The following PKN3 variants were observed in gnomAD, a reference collection of about 807,000 sequenced individuals.
The protein encoded by PKN3 is serine/threonine-protein kinase N3.
Under a neutral mutation model 113.1 loss-of-function variants are expected in PKN3, and 91 were observed. The ratio of observed to expected loss-of-function variants is 0.80; its 90% CI spans 0.68 to 0.96. PKN3 has a LOEUF of 0.96. Ranked by LOEUF, PKN3 falls within the 40% of genes least tolerant of loss-of-function variation. The probability of loss-of-function intolerance (pLI) is 0.00; values close to 1 mark genes in which losing one functional copy is unlikely to be tolerated. For synonymous variants in PKN3, 467 were observed against 499.0 expected (o/e 0.94, Z 0.85); for missense variants, 1,052 against 1,202.2 (o/e 0.88, Z 1.85).
At position 128,720,448 on chromosome 9, in the gene PKN3, A is replaced by C; in HGVS notation, c.2512A>C (p.Thr838Pro). Reference protein sequence around the residue: ...ARTIQPPFVPTLCGPADLRYF... With the variant: ...ARTIQPPFVPPLCGPADLRYF... ...CACCATCCAGCCCCCCTTCGTGCCTACCCTGTGTGGCCCTGCGGACCTGCG... is the reference window on the plus strand; with the variant it reads ...CACCATCCAGCCCCCCTTCGTGCCTCCCCTGTGTGGCCCTGCGGACCTGCG... The change falls in exon 22 of 22, where the codon ACC (threonine) becomes CCC (proline). Residue 838 changes from threonine (T) to proline (P), a missense_variant. By Grantham distance (38) the Thr-to-Pro change is conservative (BLOSUM62 -1). Transcript: ENST00000291906. This position sits in a 1 kb window ranked among gnomAD's most constrained non-coding sequence, Gnocchi z 5.5. 1 of 1,612,948 alleles carries C rather than the reference A, an allele frequency of 6.2e-7. No homozygotes were observed. The highest frequency in any genetic ancestry group is 2.2e-5 in the East Asian group (1 of 44,858).
chr9:128,714,865 G>A lies in PKN3; in HGVS notation c.1652G>A (p.Arg551Lys). The change falls in exon 13 of 22, where the codon AGG (arginine) becomes AAG (lysine). Residue 551 changes from arginine (R) to lysine (K), a missense_variant and splice_region_variant. Physicochemically the swap from Arg to Lys is conservative, Grantham distance 26. Coordinates refer to ENST00000291906, the MANE Select transcript of PKN3 (RefSeq NM_013355.5). ...RGPSPPASPTRKPPRLQDFRC... is the reference protein window; with the variant it reads ...RGPSPPASPTKKPPRLQDFRC... The stretch of plus-strand genomic sequence containing the variant: ...CCATCTCCACCAGCCTCCCCCACCA[G>A]GTACCCCATCCTGCGCACCTTCATG... 6.2e-7 allele frequency: 1 copy of A among 1,613,668 alleles called. No homozygotes were observed. The highest frequency in any genetic ancestry group is 8.5e-7 in the Non-Finnish European group (1 of 1,179,688).
rs376529565 is a variant in PKN3 at position 128,720,249 on chromosome 9, A to C, written c.2423A>C (p.Asp808Ala). ...AAGCGCCTCGGGGCAGGTGAGCAGG[A>C]TGCCGAGGAGATCAAGGTCCAGCCA... The part of the protein sequence containing the change: ...PEKRLGAGEQ[D>A]AEEIKVQPFF... Residue 808 changes from aspartate (D) to alanine (A), a missense_variant, in exon 21 of 22, where the codon GAT becomes GCT. Asp to Ala is a moderately radical substitution (Grantham distance 126). Around this residue, in one of 2 missense-constraint regions of PKN3, gnomAD observed 333 missense variants for 442.8 expected, o/e 0.75. Coordinates refer to ENST00000291906, the MANE Select transcript of PKN3 (RefSeq NM_013355.5). This position sits in a 1 kb window ranked among gnomAD's most constrained non-coding sequence, Gnocchi z 5.5. 10 of 1,613,816 alleles carry C rather than the reference A, an allele frequency of 6.2e-6. No individual in the cohort carries two copies. Among genetic ancestry groups the C allele is most frequent in the Non-Finnish European group, 8.5e-6 (10 of 1,180,012 alleles).
In PKN3 at chr9:128,720,573, C is replaced by T. The variant is rs747945662; in HGVS notation, c.2637C>T (p.Phe879=). ...TARQQAAFRD[F]DFVSERFLEP ...GCCAACAGGCCGCCTTCCGGGACTT[C>T]GACTTTGTGTCAGAGCGATTCCTGG... The change falls in exon 22 of 22, where the codon TTC becomes TTT. Residue 879 remains phenylalanine (F), a synonymous_variant. Transcript: ENST00000291906. The surrounding 1 kb of genome is among the most constrained non-coding windows in gnomAD (Gnocchi z 5.5). The T allele has an allele frequency of 4.1e-5, 66 of 1,613,296 alleles. No individual in the cohort carries two copies. Among genetic ancestry groups the T allele is most frequent in the Non-Finnish European group, 5.3e-5 (62 of 1,180,000 alleles).
chr9:128,710,677 A>G (rs1862149921), intron 6 of PKN3, among the ~76,000 whole-genome samples: 1 of 152,010 alleles, frequency 6.6e-6, no homozygotes, highest in Non-Finnish European at 1.5e-5. Context: ...TTATTAGTAG[A>G]GACAGAGTTT....
At chr9:128,712,748 A>G (rs757293174) in intron 6 of PKN3, among the ~76,000 whole-genome samples, 2 of 152,254 alleles carry the variant, frequency 1.3e-5, no homozygotes, top group South Asian at 4.1e-4. Context: ...TTCTGGGACA[A>G]CGTGGCTCCT....
rs1862293594 is a variant in PKN3 at position 128,714,861 on chromosome 9, A to G, written c.1648A>G (p.Thr550Ala). The stretch of plus-strand genomic sequence containing the variant: ...TGGGCCATCTCCACCAGCCTCCCCC[A>G]CCAGGTACCCCATCCTGCGCACCTT... The part of the protein sequence containing the change: ...RRGPSPPASP[T>A]RKPPRLQDFR... The change falls in exon 13 of 22, where the codon ACC becomes GCC. Residue 550 changes from threonine (T) to alanine (A), a missense_variant. Transcript: ENST00000291906. 1 of 1,613,348 alleles carries G rather than the reference A, an allele frequency of 6.2e-7. No homozygotes were observed. Among genetic ancestry groups the G allele is most frequent in the Middle Eastern group, 1.7e-4 (1 of 6,056 alleles).
chr9:128,708,380 C>A (rs1181668703), intron 6 of PKN3, among the ~76,000 whole-genome samples: 1 of 151,590 alleles, frequency 6.6e-6, no homozygotes, highest in Non-Finnish European at 1.5e-5. Context: ...GACTCCATCT[C>A]AAAAAATAAT....
chr9:128,712,902 T>A, intron 6 of PKN3, 150 bp from the exon 7 acceptor site: 1 of 753,316 alleles, frequency 1.3e-6, no homozygotes, highest in Non-Finnish European at 2.2e-6. Flanking sequence ...CTGAGTGAGG[T>A]TCCTCAGGTA....
In PKN3 at chr9:128,716,814, C is replaced by T. The variant is rs1338348951; in HGVS notation, c.1876C>T (p.Leu626Phe). The change falls in exon 16 of 22, where the codon CTT (leucine) becomes TTT (phenylalanine). Residue 626 changes from leucine (L) to phenylalanine (F), a missense_variant. This residue lies in a region of PKN3 where 333 missense variants were observed against 442.8 expected (regional missense o/e 0.75). Coordinates refer to ENST00000291906, the MANE Select transcript of PKN3 (RefSeq NM_013355.5). ...AGGGCACCCTTTCCTGCTCTCCCTCCTTGCCTGCTTCCAGACCTCCAGCCA... is the reference window on the plus strand; with the variant it reads ...AGGGCACCCTTTCCTGCTCTCCCTCTTTGCCTGCTTCCAGACCTCCAGCCA... ...CTGHPFLLSL[L>F]ACFQTSSHAC... The T allele has an allele frequency of 6.2e-7, 1 of 1,614,096 alleles. No individual in the cohort carries two copies.
intron 1 of PKN3, chr9:128,703,849 C>T (rs1481547363): frequency 3.0e-6 from 3 of 985,346 alleles, no homozygotes; most frequent in East Asian, 2.3e-4. Context: ...CCAGACGTAG[C>T]TTGTACACAT....
At position 128,720,740 on chromosome 9, in the gene PKN3, TG is replaced by T; in HGVS notation, c.*138del. On this transcript the variant is annotated 3_prime_UTR_variant, in exon 22 of 22. Coordinates refer to ENST00000291906, the MANE Select transcript of PKN3 (RefSeq NM_013355.5). This position sits in a 1 kb window ranked among gnomAD's most constrained non-coding sequence, Gnocchi z 5.5. ...CCCTTGGGATTCAAAGTGGCAGCCA[TG>T]GGGCCACTGTTGTGGGCTTTGCTCA... The T allele has an allele frequency of 1.3e-6, 1 of 751,998 alleles. No homozygotes were observed. The highest frequency in any genetic ancestry group is 2.7e-5 in the East Asian group (1 of 37,082). 46.6% of individuals were successfully genotyped at this position (751,998 alleles called of 1,614,324 possible).
intron 9 of PKN3, 66 bp downstream of exon 9, chr9:128,713,708 A>C (rs756094050): frequency 9.3e-6 from 14 of 1,511,518 alleles, no homozygotes; most frequent in Non-Finnish European, 1.1e-5. Context: ...AAGGCCTTCA[A>C]GACCGATGCA....
At position 128,705,828 on chromosome 9, in the gene PKN3, G is replaced by A; in HGVS notation, c.360G>A (p.Val120=). 2 of 1,609,204 alleles carry A rather than the reference G, an allele frequency of 1.2e-6. No homozygotes were observed. Among genetic ancestry groups the A allele is most frequent in the South Asian group, 1.1e-5 (1 of 89,936 alleles). The change falls in exon 3 of 22, where the codon GTG becomes GTA. Residue 120 remains valine (V), a synonymous_variant. Coordinates refer to ENST00000291906, the MANE Select transcript of PKN3 (RefSeq NM_013355.5). The part of the protein sequence containing the change: ...LRRQLHVELK[V]KQGAENMTHT... ...GGCAGCTGCATGTGGAGCTGAAGGTGAAGCAGGGGGCTGAGAACATGACCC... is the reference window on the plus strand; with the variant it reads ...GGCAGCTGCATGTGGAGCTGAAGGTAAAGCAGGGGGCTGAGAACATGACCC...
intron 1 of PKN3, chr9:128,704,148 A>C: frequency 2.0e-6 from 2 of 985,274 alleles, no homozygotes; most frequent in Non-Finnish European, 2.4e-6. Context: ...GGGTTCCTGC[A>C]ACAGCCCGTG....
At chr9:128,716,646 C>T (rs1035979618) in intron 15 of PKN3, 101 bp from the exon 16 acceptor site, 9 of 876,850 alleles carry the variant, frequency 1.0e-5, no homozygotes, top group Non-Finnish European at 1.6e-5. Flanking sequence ...TTGCCTGGCA[C>T]TTTGGCTGAG....
rs766173850 is a variant in PKN3, at chr9:128,702,904, C to T, written c.-12C>T. The T allele has an allele frequency of 6.7e-7, 1 of 1,483,392 alleles. No individual in the cohort carries two copies. The highest frequency in any genetic ancestry group is 8.9e-7 in the Non-Finnish European group (1 of 1,119,350). The allele number at this position is 1,483,392 out of a possible 1,614,324, so 91.9% of individuals were successfully genotyped here. ...GGCTGAGAGAAGGGCCCCAAGCGGC[C>T]GGAGCGGCGCCATGGAGGAGGGGGC... On this transcript the variant is annotated 5_prime_UTR_variant, in exon 1 of 22. Coordinates refer to ENST00000291906, the MANE Select transcript of PKN3 (RefSeq NM_013355.5).
Position 128,720,510 on chromosome 9 carries a change from C to T in PKN3, c.2574C>T (p.Ala858=), listed in dbSNP as rs1299756440. The T allele has an allele frequency of 1.2e-6, 2 of 1,613,396 alleles. No individual in the cohort carries two copies. The highest frequency in any genetic ancestry group is 2.2e-5 in the East Asian group (1 of 44,882). ...FEGEFTGLPP[A]LTPPAPHSLL... ...GCGAGTTCACAGGGCTGCCGCCTGC[C>T]CTGACCCCACCTGCACCCCACAGCC... The change falls in exon 22 of 22, where the codon GCC becomes GCT. Residue 858 remains alanine (A), a synonymous_variant. Coordinates refer to ENST00000291906, the MANE Select transcript of PKN3 (RefSeq NM_013355.5). The surrounding 1 kb of genome is among the most constrained non-coding windows in gnomAD (Gnocchi z 5.5).
At chr9:128,714,934 C>T in intron 13 of PKN3, 69 bp downstream of exon 13, 1 of 1,431,250 alleles carries the variant, frequency 7.0e-7, no homozygotes, top group Non-Finnish European at 9.9e-7. Context: ...TGTATCCATT[C>T]ATACATTACT....
intron 16 of PKN3, among the ~76,000 whole-genome samples, chr9:128,717,139 TTTTTG>T (rs1197073254): frequency 8.2e-6 from 1 of 121,644 alleles, no homozygotes; most frequent in Non-Finnish European, 1.7e-5. Context: ...TTTTTTTTTT[TTTTTG>T]TGAGACAGAG....
Sources: gnomAD v4.1 joint callset for allele counts (sites outside exome capture counted in the v4.1 genomes callset) on GRCh38, gnomAD v4.1.1 for gene constraint, gnomAD v4.1.1 regional missense constraint, Gnocchi (gnomAD v3.1) non-coding constraint, MANE v1.5 for transcripts, NCBI Gene and HGNC (gene_info 2026-07-23, HGNC 2026-07-21) for gene names.